ADCY10: variants seen among roughly 807,000 people sequenced by gnomAD.
ADCY10 encodes the protein adenylate cyclase 10, also known as adenylate cyclase type 10.
Under a neutral mutation model 183.3 loss-of-function variants are expected in ADCY10, and 156 were observed. That is an observed-to-expected ratio of 0.85 (90% CI 0.75 to 0.97). The LOEUF is 0.97. Ranked by LOEUF, ADCY10 falls within the 50% of genes least tolerant of loss-of-function variation. The pLI is 0.00. For synonymous variants in ADCY10, 645 were observed against 670.0 expected, an observed-to-expected ratio of 0.96 and a Z score of 0.58; for missense variants, 1,745 against 1,934.3, an observed-to-expected ratio of 0.90 and a Z score of 1.84.
chr1:167,905,696 TA>T (rs973203974), intron 1 of ADCY10, among the ~76,000 whole-genome samples: 34 of 152,068 alleles, frequency 2.2e-4, no homozygotes, highest in African/African-American at 8.0e-4. Context: ...ATTAAGACTA[TA>T]AAGGTATAAT....
chr1:167,839,991 G>A lies in ADCY10; in HGVS notation c.3008-2673C>T, dbSNP rs538531198. 2.6e-5 allele frequency among the ~76,000 whole-genome samples: 4 copies of A among 151,964 alleles called. No individual in the cohort carries two copies. In the East Asian group the frequency reaches 7.7e-4, roughly 29 times the overall value. ...TCCCAACACTTTGGGAGGCTGAGGTGGGAGGATCGTTTGAGTCCAGGAGTT... is the reference window on the plus strand; with the variant it reads ...TCCCAACACTTTGGGAGGCTGAGGTAGGAGGATCGTTTGAGTCCAGGAGTT... On this transcript the variant is annotated intron_variant, in intron 21 of 32. Coordinates refer to ENST00000367851, the MANE Select transcript of ADCY10 (RefSeq NM_018417.6).
intron 12 of ADCY10, 58 bp downstream of exon 12, chr1:167,878,388 T>A: frequency 6.4e-7 from 1 of 1,573,436 alleles, no homozygotes; most frequent in Non-Finnish European, 8.7e-7. Context: ...TGCTTTGCTA[T>A]CATAATTCTC....
chr1:167,847,018 T>C (rs1665089020), intron 19 of ADCY10, among the ~76,000 whole-genome samples: 1 of 151,758 alleles, frequency 6.6e-6, no homozygotes, highest in Non-Finnish European at 1.5e-5. Flanking sequence ...CTCCGCCTCC[T>C]GGGTTCAAGA....
intron 30 of ADCY10, among the ~76,000 whole-genome samples, chr1:167,819,565 T>TA (rs1184415081): frequency 4.0e-5 from 6 of 151,570 alleles, no homozygotes; most frequent in Non-Finnish European, 7.4e-5. Context: ...ATTTTTTATT[T>TA]TTTTTTATTT....
At chr1:167,816,434 T>C (rs376683091) in intron 31 of ADCY10, among the ~76,000 whole-genome samples, 256 of 152,178 alleles carry the variant, frequency 1.7e-3, no homozygotes, top group African/African-American at 6.0e-3. Context: ...TAATCCCAGC[T>C]ACTCAGGAGT....
At chr1:167,897,218 C>T (rs1354755426) in intron 6 of ADCY10, among the ~76,000 whole-genome samples, 1 of 149,634 alleles carries the variant, frequency 6.7e-6, no homozygotes, top group African/African-American at 2.5e-5. Flanking sequence ...AAAGAGAAAA[C>T]ATCAGGCCTG....
In ADCY10 at chr1:167,878,540, G is replaced by A. The variant is rs779217815; in HGVS notation, c.1312C>T (p.Pro438Ser). The change falls in exon 12 of 33, where the codon CCA (proline) becomes TCA (serine). Residue 438 changes from proline (P) to serine (S), a missense_variant. By Grantham distance (74) the Pro-to-Ser change is moderately conservative. Coordinates refer to ENST00000367851, the MANE Select transcript of ADCY10 (RefSeq NM_018417.6). ...GGAAGCTCTTTAAAAAAGTACGCTG[G>A]TAGGTTGCTCCCATTGTAGGTGACA... The part of the protein sequence containing the change: ...DSVTYNGSNL[P>S]AYFFKELPKK... 1.2e-6 allele frequency: 2 copies of A among 1,614,138 alleles called. No homozygotes were observed. Among genetic ancestry groups the A allele is most frequent in the East Asian group, 2.2e-5 (1 of 44,876 alleles).
intron 11 of ADCY10, 109 bp downstream of exon 11, chr1:167,880,006 T>C: frequency 1.1e-6 from 1 of 922,686 alleles, no homozygotes; most frequent in Non-Finnish European, 1.7e-6. Flanking sequence ...CTAAAGTTTC[T>C]GAGGGCAGGG....
At chr1:167,819,247 A>AT (rs11454786) in intron 30 of ADCY10, among the ~76,000 whole-genome samples, 23,890 of 128,152 alleles carry the variant, frequency 0.19, 2,669 homozygotes, top group African/African-American at 0.26. Flanking sequence ...AGAAAATCCG[A>AT]TTTTTTTTTT....
intron 8 of ADCY10, among the ~76,000 whole-genome samples, chr1:167,889,492 A>C (rs138382616): frequency 6.9e-4 from 103 of 149,554 alleles, no homozygotes; most frequent in Non-Finnish European, 4.5e-4. Flanking sequence ...TTTGCTGAGG[A>C]TTTTTACATC....
Position 167,896,671 on chromosome 1 carries a change from G to C in ADCY10, c.663C>G (p.Pro221=), listed in dbSNP as rs1668999613. Reference sequence around the variant, plus strand: ...AAAATTCATCAAAATTAAAATTGGGGGGTGGTTTTAAGAAGTTAACCTAAA... The same window carrying C: ...AAAATTCATCAAAATTAAAATTGGGCGGTGGTTTTAAGAAGTTAACCTAAA... ...RAVKVNFLKP[P]PNFNFDEFFT... is the part of the protein sequence containing the mutation. Residue 221 remains proline, a synonymous_variant, in exon 7 of 33, where the codon CCC becomes CCG. Transcript: ENST00000367851. The C allele has an allele frequency of 6.2e-7, 1 of 1,612,610 alleles. No individual in the cohort carries two copies.
intron 21 of ADCY10, 171 bp downstream of exon 21, chr1:167,845,392 T>C: frequency 1.5e-6 from 1 of 679,390 alleles, no homozygotes; most frequent in Non-Finnish European, 2.5e-6. Flanking sequence ...ACAGGTACAT[T>C]CCCTTACTTT....
chr1:167,826,167 G>A (rs1473836816), intron 26 of ADCY10, among the ~76,000 whole-genome samples: 1 of 152,126 alleles, frequency 6.6e-6, no homozygotes, highest in East Asian at 1.9e-4. Context: ...CTTTCTTTCT[G>A]GTTTGGAACA....
In ADCY10 at chr1:167,911,356, G is replaced by A. The variant is rs578001907; in HGVS notation, c.-59+2620C>T. Reference sequence around the variant, plus strand: ...TGCTAGCCATAATAAAGAAATCAATGTACTTTATGTTCTTGGCTCCCACAA... The same window carrying A: ...TGCTAGCCATAATAAAGAAATCAATATACTTTATGTTCTTGGCTCCCACAA... On this transcript the variant is annotated intron_variant, in intron 1 of 32. Coordinates refer to ENST00000367851, the MANE Select transcript of ADCY10 (RefSeq NM_018417.6). 2.6e-4 allele frequency among the ~76,000 whole-genome samples: 39 copies of A among 152,356 alleles called. 1 individual carries two copies. In the South Asian group the frequency reaches 3.3e-3, roughly 13 times the overall value.
intron 1 of ADCY10, among the ~76,000 whole-genome samples, chr1:167,908,770 C>G (rs1057139663): frequency 6.6e-6 from 1 of 152,166 alleles, no homozygotes; most frequent in Admixed American, 6.5e-5. Context: ...TTTAATACAT[C>G]TTAATCAACC....
chr1:167,833,991 G>A lies in ADCY10; in HGVS notation c.3396C>T (p.Thr1132=). The change falls in exon 24 of 33, where the codon ACC becomes ACT. Residue 1132 remains threonine (T), a synonymous_variant. Coordinates refer to ENST00000367851, the MANE Select transcript of ADCY10 (RefSeq NM_018417.6). ...TTACCTCACCTTTGAGGCTGTAAAA[G>A]GTGGCAGACTCAAATGTCTGGCTCC... ...KSWSQTFESA[T]FYSLKGEVCF... 1.2e-6 allele frequency: 2 copies of A among 1,613,986 alleles called. No individual in the cohort carries two copies. Among genetic ancestry groups the A allele is most frequent in the Non-Finnish European group, 1.7e-6 (2 of 1,179,914 alleles).
Position 167,824,516 on chromosome 1 carries a change from A to G in ADCY10, c.4012T>C (p.Ser1338Pro). 1 of 1,614,202 alleles carries G rather than the reference A, an allele frequency of 6.2e-7. No homozygotes were observed. The highest frequency in any genetic ancestry group is 1.1e-5 in the South Asian group (1 of 91,084). Reference sequence around the variant, plus strand: ...AGACATCTGCTAAGTCTGCAGAGGGACTGATAATGTCGGTTGGGATTCTGG... The same window carrying G: ...AGACATCTGCTAAGTCTGCAGAGGGGCTGATAATGTCGGTTGGGATTCTGG... ...LLQNPNRHYQ[S>P]LCRLSRCLLL... The change falls in exon 28 of 33, where the codon TCC (serine) becomes CCC (proline). Residue 1338 changes from serine to proline, a missense_variant. Transcript: ENST00000367851.
At chr1:167,835,371 A>G (rs576276677) in intron 23 of ADCY10, among the ~76,000 whole-genome samples, 72 of 152,340 alleles carry the variant, frequency 4.7e-4, no homozygotes, top group African/African-American at 1.6e-3. Flanking sequence ...ATTTACCTGT[A>G]TTCAGCTCAG....
At chr1:167,820,376 A>G in intron 30 of ADCY10, 2 of 599,018 alleles carry the variant, frequency 3.3e-6, no homozygotes, top group Non-Finnish European at 2.8e-6. Flanking sequence ...CGCCTCGCCT[A>G]GCCCGCCTGG....
Sources: allele counts gnomAD v4.1 joint callset (sites outside exome capture counted in the v4.1 genomes callset), GRCh38; gene constraint gnomAD v4.1.1; transcripts MANE v1.5; gene names NCBI Gene and HGNC (gene_info 2026-07-23, HGNC 2026-07-21).